MAP4K1: variants seen among roughly 807,000 people sequenced by gnomAD.
MAP4K1 encodes the protein mitogen-activated protein kinase kinase kinase kinase 1, also known as MAPK/ERK kinase kinase kinase 1.
MAP4K1 carries 35 observed loss-of-function variants against 122.8 expected under a neutral mutation model. That is an observed-to-expected ratio of 0.29 (90% CI 0.22 to 0.38). The LOEUF is 0.38. Ranked by LOEUF, MAP4K1 falls within the 10% of genes least tolerant of loss-of-function variation. MAP4K1 has a pLI of 1.00. For missense variants in MAP4K1, 791 were observed against 1,072.6 expected (o/e 0.74, Z 3.67); for synonymous variants, 412 against 421.3 (o/e 0.98, Z 0.27).
rs1568623579 is a variant in MAP4K1, at chr19:38,595,945, T to G, written c.2173A>C (p.Met725Leu). Residue 725 changes from methionine (M) to leucine (L), a missense_variant, in exon 27 of 31, where the codon ATG (methionine) becomes CTG (leucine). Coordinates refer to ENST00000396857, the MANE Select transcript of MAP4K1 (RefSeq NM_001042600.3). ...GAGGAAGGAGGGTTCTCACCATCCA[T>G]CAACACCATCACCATATCTTCCTCT... Reference protein sequence around the residue: ...QVEEDMVMVLMDGSVKLVTPE... With the variant: ...QVEEDMVMVLLDGSVKLVTPE... 6.2e-7 allele frequency: 1 copy of G among 1,613,750 alleles called. No homozygotes were observed.
In MAP4K1 at chr19:38,612,664, C is replaced by G; in HGVS notation, c.612G>C (p.Thr204=). The G allele has an allele frequency of 6.2e-7, 1 of 1,613,682 alleles. No homozygotes were observed. Among genetic ancestry groups the G allele is most frequent in the Non-Finnish European group, 8.5e-7 (1 of 1,179,904 alleles). The change falls in exon 9 of 31, where the codon ACG becomes ACC. Residue 204 remains threonine, a synonymous_variant. Transcript: ENST00000396857. ...GCTGTAGCTCGGCCAGTTCGATGGC[C>G]GTGATGCCCAGGGACCAGATGTCAC... The part of the protein sequence containing the change: ...ELCDIWSLGI[T]AIELAELQPP...
Position 38,602,947 on chromosome 19 carries a change from TATATACACAC to T in MAP4K1, c.1447-1432_1447-1423del, listed in dbSNP as rs1249941417. Among the ~76,000 whole-genome samples the T allele has an allele frequency of 1.6e-3, 224 of 141,956 alleles. 2 individuals are homozygous for T. Among genetic ancestry groups the T allele is most frequent in the South Asian group, 8.1e-3 (32 of 3,946 alleles). The allele number at this position is 141,956 out of a possible 152,430, so 93.1% of individuals were successfully genotyped here. On this transcript the variant is annotated intron_variant, in intron 19 of 30. Transcript: ENST00000396857. Reference sequence around the variant, plus strand: ...ACGCATATACATATATACACATACATATATACACACATATACACATGCACATATATACGCA... The same window carrying T: ...ACGCATATACATATATACACATACATATATACACATGCACATATATACGCA...
At chr19:38,615,867 C>T (rs1975633038) in intron 4 of MAP4K1, among the ~76,000 whole-genome samples, 1 of 151,578 alleles carries the variant, frequency 6.6e-6, no homozygotes, top group Non-Finnish European at 1.5e-5. Flanking sequence ...CCATGTTGGC[C>T]AAGCTGGTCT....
At chr19:38,610,859 G>A (rs1349484476) in intron 11 of MAP4K1, among the ~76,000 whole-genome samples, 192 bp downstream of exon 11, 1 of 152,080 alleles carries the variant, frequency 6.6e-6, no homozygotes, top group South Asian at 2.1e-4. Flanking sequence ...GGCAACTCGG[G>A]GTATTTGGGA....
intron 19 of MAP4K1, 49 bp downstream of exon 19, chr19:38,605,358 CAT>C: frequency 2.0e-5 from 26 of 1,308,976 alleles, no homozygotes; most frequent in Middle Eastern, 5.2e-4. Context: ...CCCCACCAGG[CAT>C]CCCCAGCCCC....
chr19:38,596,774 T>C (rs1050985229), intron 25 of MAP4K1, among the ~76,000 whole-genome samples: 2 of 152,046 alleles, frequency 1.3e-5, no homozygotes, highest in African/African-American at 4.8e-5. Flanking sequence ...CTAAATGGGC[T>C]CTACTAGGAC....
At chr19:38,596,508 G>A (rs1254757441) in intron 25 of MAP4K1, 22 bp from the exon 26 acceptor site, 1 of 1,516,816 alleles carries the variant, frequency 6.6e-7, no homozygotes, top group Non-Finnish European at 8.8e-7. Context: ...ACAGGGAGGG[G>A]CGGGCTAGGG....
At chr19:38,603,246 A>G (rs907339143) in intron 19 of MAP4K1, among the ~76,000 whole-genome samples, 1 of 150,336 alleles carries the variant, frequency 6.7e-6, no homozygotes, top group African/African-American at 2.4e-5. Context: ...ATATATACAC[A>G]TGTACATATA....
intron 22 of MAP4K1, among the ~76,000 whole-genome samples, chr19:38,598,034 T>G (rs1261533550): frequency 2.0e-5 from 3 of 152,002 alleles, no homozygotes; most frequent in Admixed American, 6.6e-5. Flanking sequence ...ATTTATTTAT[T>G]ATTATTATTA....
chr19:38,607,160 G>C (rs1399961994), intron 16 of MAP4K1, among the ~76,000 whole-genome samples: 1 of 152,162 alleles, frequency 6.6e-6, no homozygotes, highest in South Asian at 2.1e-4. Context: ...GTGGGGTCAA[G>C]TCAGAGATTG....
intron 19 of MAP4K1, among the ~76,000 whole-genome samples, chr19:38,603,907 TG>T (rs1444539194): frequency 1.3e-5 from 2 of 149,738 alleles, no homozygotes; most frequent in Non-Finnish European, 1.5e-5. Flanking sequence ...TCACTTAGAC[TG>T]GGGAGGCAGA....
At chr19:38,596,626 G>A in intron 25 of MAP4K1, 140 bp from the exon 26 acceptor site, 1 of 758,140 alleles carries the variant, frequency 1.3e-6, no homozygotes. Flanking sequence ...CAGGGGATAA[G>A]GCCTGGTGCC....
Position 38,597,672 on chromosome 19 carries a change from C to G in MAP4K1, c.1670-78G>C. Reference sequence around the variant, plus strand: ...CCACTTCCTTTCCTCCATCCCTTCCCTCAGCCCCATCCCTTTGTCTGAAAC... The same window carrying G: ...CCACTTCCTTTCCTCCATCCCTTCCGTCAGCCCCATCCCTTTGTCTGAAAC... On this transcript the variant is annotated intron_variant, in intron 22 of 30. Coordinates refer to ENST00000396857, the MANE Select transcript of MAP4K1 (RefSeq NM_001042600.3). This position sits in a 1 kb window ranked among gnomAD's most constrained non-coding sequence, Gnocchi z 4.6. The G allele has an allele frequency of 1.1e-6, 1 of 926,500 alleles. No individual in the cohort carries two copies. The highest frequency in any genetic ancestry group is 1.6e-6 in the Non-Finnish European group (1 of 616,464). The allele number at this position is 926,500 out of a possible 1,614,324, so 57.4% of individuals were successfully genotyped here. A position where few individuals can be genotyped will look rare whatever the true frequency, so the allele number is the denominator to read the frequency against.
At position 38,617,661 on chromosome 19, in the gene MAP4K1, A is replaced by G; in HGVS notation, c.100-36T>C. On this transcript the variant is annotated intron_variant, in intron 1 of 30. Transcript: ENST00000396857. This position sits in a 1 kb window ranked among gnomAD's most constrained non-coding sequence, Gnocchi z 4.1. ...GGAAGTTGGCAGTCAGGCAGGCTCCATTTGCCAGAGTCCCTCCACAGCATC... is the reference window on the plus strand; with the variant it reads ...GGAAGTTGGCAGTCAGGCAGGCTCCGTTTGCCAGAGTCCCTCCACAGCATC... 2.5e-6 allele frequency: 4 copies of G among 1,613,038 alleles called. No homozygotes were observed. The highest frequency in any genetic ancestry group is 1.7e-6 in the Non-Finnish European group (2 of 1,179,056).
intron 19 of MAP4K1, 192 bp from the exon 20 acceptor site, chr19:38,601,717 G>GTT: frequency 9.6e-6 from 5 of 521,710 alleles, no homozygotes; most frequent in Admixed American, 3.9e-5. Context: ...GTTTGTTTTT[G>GTT]TTTTTTTTTG....
chr19:38,607,836 G>A (rs1316450640), intron 16 of MAP4K1, 28 bp downstream of exon 16: 1 of 1,608,292 alleles, frequency 6.2e-7, no homozygotes. Flanking sequence ...GGTGGGGCCT[G>A]TGGAGCTGCA....
chr19:38,590,106 C>CG (rs1974659150), intron 30 of MAP4K1, among the ~76,000 whole-genome samples: 1 of 151,534 alleles, frequency 6.6e-6, no homozygotes, highest in African/African-American at 2.4e-5. Flanking sequence ...ACCAAATGAC[C>CG]GAAGTTAATA....
intron 8 of MAP4K1, 39 bp downstream of exon 8, chr19:38,613,841 C>G (rs773930867): frequency 5.9e-6 from 9 of 1,529,924 alleles, no homozygotes; most frequent in Non-Finnish European, 8.0e-6. Context: ...AACCACTGAC[C>G]CCCACTCCAC....
In MAP4K1 at chr19:38,608,008, A is replaced by C; in HGVS notation, c.1091T>G (p.Leu364Arg). 6.2e-7 allele frequency: 1 copy of C among 1,610,084 alleles called. No individual in the cohort carries two copies. Among genetic ancestry groups the C allele is most frequent in the Non-Finnish European group, 8.5e-7 (1 of 1,177,834 alleles). ...NTARLQPPRD[L>R]RSSSPRKQLS... is the part of the protein sequence containing the mutation. The stretch of plus-strand genomic sequence containing the variant: ...CCCTGACCTGGGGCTGCTGCTCCTG[A>C]GGTCTCGAGGAGGCTGTAGGCGAGC... The change falls in exon 15 of 31, where the codon CTC (leucine) becomes CGC (arginine). Residue 364 changes from leucine to arginine, a missense_variant. Coordinates refer to ENST00000396857, the MANE Select transcript of MAP4K1 (RefSeq NM_001042600.3).
Sources: gnomAD v4.1 joint callset for allele counts (sites outside exome capture counted in the v4.1 genomes callset) on GRCh38, gnomAD v4.1.1 for gene constraint, Gnocchi (gnomAD v3.1) non-coding constraint, MANE v1.5 for transcripts, NCBI Gene and HGNC (gene_info 2026-07-23, HGNC 2026-07-21) for gene names.